TRPC5: variants seen among roughly 807,000 people sequenced by gnomAD.
The protein encoded by TRPC5 is transient receptor potential cation channel subfamily C member 5.
Under a neutral mutation model 56.5 loss-of-function variants are expected in TRPC5, and 9 were observed. That is an observed-to-expected ratio of 0.16 (90% CI 0.10 to 0.28). The LOEUF is 0.28. Among genes scored for constraint, TRPC5 ranks in the 10% least tolerant of loss-of-function variants. The pLI is 1.00. For missense variants in TRPC5, 469 were observed against 748.9 expected, an observed-to-expected ratio of 0.63 and a Z score of 4.36; for synonymous variants, 282 against 278.5, an observed-to-expected ratio of 1.01 and a Z score of -0.13.
At chrX:112,013,752 G>A in intron 1 of TRPC5, among the ~76,000 whole-genome samples, 1 of 111,508 alleles carries the variant, frequency 9.0e-6, no homozygotes, top group East Asian at 2.8e-4. Flanking sequence ...GGTAATCTTT[G>A]TAGGGTCACA....
intron 1 of TRPC5, among the ~76,000 whole-genome samples, chrX:111,990,049 C>A (rs2148655575): frequency 8.9e-6 from 1 of 112,210 alleles, no homozygotes; most frequent in African/African-American, 3.2e-5. Context: ...TTTCTAAAAT[C>A]AAGAACATTC....
intron 8 of TRPC5, 109 bp from the exon 9 acceptor site, chrX:111,781,315 A>G (rs1945918231): frequency 7.4e-6 from 5 of 676,490 alleles, no homozygotes; most frequent in Non-Finnish European, 1.2e-5. Context: ...AGAATGCTAC[A>G]GGAGCTCCTG....
chrX:111,773,745 A>G lies in TRPC5; in HGVS notation c.*2568T>C, dbSNP rs143360674. 4.6e-3 allele frequency among the ~76,000 whole-genome samples: 509 copies of G among 111,364 alleles called. 2 individuals carry two copies. Among genetic ancestry groups the G allele is most frequent in the Non-Finnish European group, 7.6e-3 (402 of 52,994 alleles). On this transcript the variant is annotated 3_prime_UTR_variant, in exon 11 of 11. Transcript: ENST00000262839. ...GAGGTTGGAATAGAGTAGATCCTTT[A>G]TAAAGTTCTCTTTTAGTTCTTTTTA...
exon 1 of TRPC5, chrX:112,082,774 GGTGTGTGTGTGT>G (rs1194718575): frequency 1.2e-5 from 1 of 81,548 alleles, no homozygotes; most frequent in African/African-American, 5.6e-5. Flanking sequence ...TGTGATGTGG[GGTGTGTGTGTGT>G]GTGTGTGTGT....
intron 1 of TRPC5, among the ~76,000 whole-genome samples, chrX:112,024,683 G>A (rs1054005379): frequency 2.9e-4 from 32 of 111,839 alleles, no homozygotes; most frequent in African/African-American, 9.8e-4. Flanking sequence ...CCACAGTCAA[G>A]TTGTGCTGCT....
intron 1 of TRPC5, among the ~76,000 whole-genome samples, chrX:112,001,528 G>A (rs1928695258): frequency 8.9e-6 from 1 of 112,198 alleles, no homozygotes; most frequent in Non-Finnish European, 1.9e-5. Flanking sequence ...GGGAGGCCGA[G>A]CTGGGCAGAT....
chrX:111,799,827 G>A (rs1338130101), intron 7 of TRPC5, among the ~76,000 whole-genome samples: 5 of 111,595 alleles, frequency 4.5e-5, no homozygotes, highest in African/African-American at 1.6e-4. Context: ...GATATTCAAG[G>A]GCTAACAGAT....
chrX:112,027,850 T>C (rs187742310), intron 1 of TRPC5, among the ~76,000 whole-genome samples: 1 of 112,100 alleles, frequency 8.9e-6, no homozygotes, highest in East Asian at 2.8e-4. Flanking sequence ...AGAATATAGG[T>C]TGATTCACTG....
In TRPC5 at chrX:111,777,070, T is replaced by G; in HGVS notation, c.2233-68A>C. The G allele has an allele frequency of 9.9e-6, 9 of 905,524 alleles. No individual in the cohort carries two copies. The South Asian group carries it at 3.1e-4, about 31-fold the overall frequency. The allele number at this position is 905,524 out of a possible 1,213,427, so 74.6% of individuals were successfully genotyped here. On this transcript the variant is annotated intron_variant, in intron 10 of 10. Transcript: ENST00000262839. ...TTTATTTCAAAGTAGGCACATTAGA[T>G]ACCTTTGGTATGTTCCAGGTTTTTG...
chrX:111,864,810 T>G (rs1923500957), intron 3 of TRPC5, among the ~76,000 whole-genome samples: 1 of 112,043 alleles, frequency 8.9e-6, no homozygotes, highest in South Asian at 3.7e-4. Flanking sequence ...TTCAACGTCT[T>G]GTAGCTTTTG....
chrX:111,901,224 G>A (rs1487480803), intron 3 of TRPC5, among the ~76,000 whole-genome samples: 2 of 111,661 alleles, frequency 1.8e-5, no homozygotes, highest in Admixed American at 9.5e-5. Context: ...AAATGGCAAT[G>A]AGGCAAAGGT....
intron 2 of TRPC5, among the ~76,000 whole-genome samples, chrX:111,923,256 T>C (rs908368538): frequency 1.2e-4 from 13 of 111,793 alleles, no homozygotes; most frequent in African/African-American, 4.2e-4. Context: ...ATATTGCAGG[T>C]TTTGTTGGAT....
chrX:112,033,251 G>A (rs1201402813), intron 1 of TRPC5, among the ~76,000 whole-genome samples: 2 of 104,581 alleles, frequency 1.9e-5, no homozygotes, highest in Admixed American at 2.1e-4. Flanking sequence ...GATAGCATTA[G>A]GAGATATACC....
chrX:112,035,908 C>T (rs1040881261), intron 1 of TRPC5, among the ~76,000 whole-genome samples: 11 of 109,784 alleles, frequency 1.0e-4, no homozygotes, highest in Middle Eastern at 9.3e-3. Context: ...GGACTACAGG[C>T]GTGAGCTATC....
chrX:111,914,436 T>C (rs1487630531), intron 2 of TRPC5, among the ~76,000 whole-genome samples: 1 of 112,075 alleles, frequency 8.9e-6, no homozygotes, highest in African/African-American at 3.2e-5. Context: ...AGGGATGAGT[T>C]AACTGTTTTT....
intron 1 of TRPC5, among the ~76,000 whole-genome samples, chrX:112,008,360 G>A (rs1928896881): frequency 1.8e-5 from 2 of 111,780 alleles, no homozygotes; most frequent in Admixed American, 1.9e-4. Flanking sequence ...GGGAGGCCAA[G>A]GCAGGTGGAT....
At chrX:111,917,438 G>A (rs1390798575) in intron 2 of TRPC5, among the ~76,000 whole-genome samples, 1 of 112,495 alleles carries the variant, frequency 8.9e-6, no homozygotes, top group Non-Finnish European at 1.9e-5. Flanking sequence ...AAGGCAGGGA[G>A]AAGAAATCAA....
chrX:111,844,221 G>T (rs775593915), intron 6 of TRPC5, among the ~76,000 whole-genome samples: 44 of 110,459 alleles, frequency 4.0e-4, no homozygotes, highest in Non-Finnish European at 7.6e-4. Context: ...GAGGCATCAG[G>T]AGATGAGGGC....
chrX:111,776,186 C>G lies in TRPC5; in HGVS notation c.*127G>C. 1 of 615,021 alleles carries G rather than the reference C, an allele frequency of 1.6e-6. No individual in the cohort carries two copies. The allele number at this position is 615,021 out of a possible 1,213,427, so 50.7% of individuals were successfully genotyped here. The stretch of plus-strand genomic sequence containing the variant: ...GAGAATGTGGCTATAAAAGATGGTG[C>G]AAATAAGAGTTTCACTCTCCTTTCT... On this transcript the variant is annotated 3_prime_UTR_variant, in exon 11 of 11. Transcript: ENST00000262839.
Sources: gnomAD v4.1 joint callset for allele counts (sites outside exome capture counted in the v4.1 genomes callset) on GRCh38, gnomAD v4.1.1 for gene constraint, MANE v1.5 for transcripts, NCBI Gene and HGNC (gene_info 2026-07-23, HGNC 2026-07-21) for gene names.